EXOC7: variants seen among roughly 807,000 people sequenced by gnomAD.
EXOC7 encodes the protein exocyst complex component Exo70.
In EXOC7, 51 loss-of-function variants were observed where a neutral mutation model predicts 87.6. The observed-to-expected ratio is 0.58, with a 90% CI of 0.46 to 0.73. The LOEUF (loss-of-function observed/expected upper bound fraction) is 0.73. Among genes scored for constraint, EXOC7 ranks in the 30% least tolerant of loss-of-function variants. EXOC7 has a pLI of 0.00. For synonymous variants in EXOC7, 327 were observed against 357.1 expected (o/e 0.92, Z 0.95); for missense variants, 744 against 888.4 (o/e 0.84, Z 2.07).
In EXOC7 at chr17:76,081,749, C is replaced by T; in HGVS notation, c.*1899G>A. The T allele has an allele frequency of 6.2e-7, 1 of 1,614,084 alleles. No individual in the cohort carries two copies. The stretch of plus-strand genomic sequence containing the variant: ...GCCCAGCTCCTCCTCCTGCAACCCA[C>T]TGCTCAGTAAGCCCTGCTCCCTTAC... On this transcript the variant is annotated 3_prime_UTR_variant, in exon 19 of 19. Coordinates refer to ENST00000589210, the MANE Select transcript of EXOC7 (RefSeq NM_001013839.4).
At chr17:76,086,024 G>C (rs1216333256) in intron 13 of EXOC7, 56 bp downstream of exon 13, 52 of 1,595,816 alleles carry the variant, frequency 3.3e-5, no homozygotes, top group Non-Finnish European at 4.2e-5. Flanking sequence ...CAGAAGGAAG[G>C]GAAAGGCAGG....
chr17:76,088,791 C>G lies in EXOC7; in HGVS notation c.1180G>C (p.Glu394Gln), dbSNP rs1403649752. Residue 394 changes from glutamate to glutamine, a missense_variant, in exon 9 of 19, where the codon GAG becomes CAG. Coordinates refer to ENST00000589210, the MANE Select transcript of EXOC7 (RefSeq NM_001013839.4). The stretch of plus-strand genomic sequence containing the variant: ...CATACCTGGAGCACCTGGTCAAACT[C>G]AGGCTTGGTCTGCTTGAGGTGTCGC... ...ILRHLKQTKP[E>Q]FDQVLQGTAA... The G allele has an allele frequency of 4.3e-6, 7 of 1,613,842 alleles. No homozygotes were observed. Among genetic ancestry groups the G allele is most frequent in the East Asian group, 2.2e-5 (1 of 44,876 alleles).
chr17:76,089,004 G>T, intron 8 of EXOC7, 81 bp from the exon 9 acceptor site: 1 of 1,494,428 alleles, frequency 6.7e-7, no homozygotes, highest in Non-Finnish European at 9.2e-7. Context: ...CTTGCAGTAT[G>T]TAGGGGGGCC....
intron 11 of EXOC7, 67 bp from the exon 12 acceptor site, chr17:76,087,787 C>G: frequency 6.6e-7 from 1 of 1,506,426 alleles, no homozygotes; most frequent in Non-Finnish European, 9.0e-7. Flanking sequence ...CCACAGCGAC[C>G]CCTCTGAGTG....
In EXOC7 at chr17:76,081,885, AC is replaced by A. The variant is rs773210527; in HGVS notation, c.*1762del. The A allele has an allele frequency of 5.0e-6, 8 of 1,608,778 alleles. No homozygotes were observed. On this transcript the variant is annotated 3_prime_UTR_variant, in exon 19 of 19. Transcript: ENST00000589210. The stretch of plus-strand genomic sequence containing the variant: ...CCCTGTGCCCTGCCTCCCCCAGTTT[AC>A]TACTTCACCATCCTGCTGCTGCTGC...
In EXOC7 at chr17:76,103,727, C is replaced by G. The variant is rs781752959; in HGVS notation, c.-35G>C. On this transcript the variant is annotated 5_prime_UTR_variant, in exon 1 of 19. Transcript: ENST00000589210. ...CCCCGCGGCTCCCACTCCCCAGTATCTTTCCTCCGCGGGCCCACCGGGCCC... is the reference window on the plus strand; with the variant it reads ...CCCCGCGGCTCCCACTCCCCAGTATGTTTCCTCCGCGGGCCCACCGGGCCC... The G allele has an allele frequency of 1.9e-6, 3 of 1,575,106 alleles. No individual in the cohort carries two copies. The highest frequency in any genetic ancestry group is 2.6e-6 in the Non-Finnish European group (3 of 1,161,400).
chr17:76,086,232 G>T (rs1165010197), intron 12 of EXOC7, 87 bp from the exon 13 acceptor site: 3 of 1,276,724 alleles, frequency 2.3e-6, no homozygotes, highest in African/African-American at 1.5e-5. Flanking sequence ...AGTCTGAGGG[G>T]ACACTGAGAC....
Position 76,081,631 on chromosome 17 carries a change from G to GA in EXOC7, c.*2016_*2017insT. 6.2e-7 allele frequency: 1 copy of GA among 1,614,126 alleles called. No individual in the cohort carries two copies. The highest frequency in any genetic ancestry group is 1.3e-5 in the African/African-American group (1 of 75,072). ...TGCTGTTGGCTGACGTGTGCGGGGG[G>GA]TTGCTGCCCCTCCGGGCCATTGAGC... On this transcript the variant is annotated 3_prime_UTR_variant, in exon 19 of 19. Transcript: ENST00000589210.
At chr17:76,102,407 TACACACACAGACACACACACACAC>T (rs1403872551) in intron 2 of EXOC7, among the ~76,000 whole-genome samples, 1 of 122,362 alleles carries the variant, frequency 8.2e-6, no homozygotes, top group Non-Finnish European at 1.6e-5. Flanking sequence ...AGACCCTGTC[TACACACACAGACACACACACACAC>T]ACACACACAC....
Position 76,081,216 on chromosome 17 carries a change from C to CTGGGA in EXOC7, c.*2431_*2432insTCCCA. 1 of 1,600,864 alleles carries CTGGGA rather than the reference C, an allele frequency of 6.2e-7. No homozygotes were observed. Among genetic ancestry groups the CTGGGA allele is most frequent in the South Asian group, 1.1e-5 (1 of 88,904 alleles). Reference sequence around the variant, plus strand: ...TCACCCCTGGGCTCCAGTCTGCTACCCCCAGACTTGGCAGCTGGGATCTCT... The same window carrying CTGGGA: ...TCACCCCTGGGCTCCAGTCTGCTACCTGGGACCCAGACTTGGCAGCTGGGATCTCT... On this transcript the variant is annotated 3_prime_UTR_variant, in exon 19 of 19. Coordinates refer to ENST00000589210, the MANE Select transcript of EXOC7 (RefSeq NM_001013839.4).
rs372862629 is a variant in EXOC7 at position 76,089,189 on chromosome 17, C to T, written c.1033G>A (p.Asp345Asn). The T allele has an allele frequency of 3.5e-5, 56 of 1,613,440 alleles. No individual in the cohort carries two copies. The highest frequency in any genetic ancestry group is 3.9e-5 in the Non-Finnish European group (46 of 1,179,994). The change falls in exon 8 of 19, where the codon GAC becomes AAC. Residue 345 changes from aspartate to asparagine, a missense_variant. Transcript: ENST00000589210. ...IPEHHQKKTFDSLIQDALDGL... is the reference protein window; with the variant it reads ...IPEHHQKKTFNSLIQDALDGL... ...CGGGGCGGGACCTGTATCAGGGAGT[C>T]GAAGGTCTTCTTCTGGTGGTGCTCG...
At chr17:76,095,271 C>CT (rs560955720) in intron 5 of EXOC7, among the ~76,000 whole-genome samples, 2,706 of 139,092 alleles carry the variant, frequency 0.019, 37 homozygotes, top group Middle Eastern at 0.055. Flanking sequence ...TAGTTGTAAG[C>CT]TTTTTTTTTT....
chr17:76,090,431 C>T (rs761736916), intron 7 of EXOC7: 57 of 1,551,502 alleles, frequency 3.7e-5, no homozygotes, highest in Non-Finnish European at 4.4e-5. Flanking sequence ...ACACAAGCAG[C>T]GTTTATCCAG....
intron 11 of EXOC7, 33 bp from the exon 12 acceptor site, chr17:76,087,753 G>C: frequency 6.5e-7 from 1 of 1,549,236 alleles, no homozygotes; most frequent in Middle Eastern, 1.7e-4. Flanking sequence ...AGAAGGGCAA[G>C]TGGCAGGCCC....
rs1217508425 is a variant in EXOC7, at chr17:76,086,915, C to CACAGAGGGGACAGAGGGAGAG, written c.1429+718_1429+738dup. On this transcript the variant is annotated intron_variant, in intron 12 of 18. Transcript: ENST00000589210. ...GAACTACGGAGTGAAAGGCAGTGCA[C>CACAGAGGGGACAGAGGGAGAG]ACAGAGGGGACAGAGGGAGAGACAA... 13 of 1,549,452 alleles carry CACAGAGGGGACAGAGGGAGAG rather than the reference C, an allele frequency of 8.4e-6. No homozygotes were observed. The African/African-American group carries it at 1.4e-4, about 16-fold the overall frequency.
intron 2 of EXOC7, among the ~76,000 whole-genome samples, chr17:76,102,349 A>T (rs2144714088): frequency 6.6e-6 from 1 of 151,876 alleles, no homozygotes; most frequent in Admixed American, 6.6e-5. Flanking sequence ...CTGAGGCGGG[A>T]GGTTAGCTTG....
At chr17:76,094,890 C>T (rs192260346) in intron 5 of EXOC7, among the ~76,000 whole-genome samples, 5 of 151,844 alleles carry the variant, frequency 3.3e-5, no homozygotes, top group Non-Finnish European at 4.4e-5. Context: ...GGATTACAGG[C>T]GTGAGTCACC....
rs1421766905 is a variant in EXOC7 at position 76,085,342 on chromosome 17, C to T, written c.1684G>A (p.Glu562Lys). ...CGCTGGTAGGTCTGGATCTGCTGCTCAATGTGCTCCCGGTAGGAGCGCTCA... is the reference window on the plus strand; with the variant it reads ...CGCTGGTAGGTCTGGATCTGCTGCTTAATGTGCTCCCGGTAGGAGCGCTCA... ...TAERSYREHI[E>K]QQIQTYQRSW... The change falls in exon 15 of 19, where the codon GAG becomes AAG. Residue 562 changes from glutamate to lysine, a missense_variant. Transcript: ENST00000589210. 3 of 1,607,744 alleles carry T rather than the reference C, an allele frequency of 1.9e-6. No individual in the cohort carries two copies. Among genetic ancestry groups the T allele is most frequent in the South Asian group, 1.1e-5 (1 of 89,848 alleles).
In EXOC7 at chr17:76,082,742, AC is replaced by A. The variant is rs1452402422; in HGVS notation, c.*905del. ...CATGACAGGGCCTCTGGATTAAGCCACCCTGAGCTCTCCCTCCGCTAGCACA... is the reference window on the plus strand; with the variant it reads ...CATGACAGGGCCTCTGGATTAAGCCACCTGAGCTCTCCCTCCGCTAGCACA... On this transcript the variant is annotated 3_prime_UTR_variant, in exon 19 of 19. Coordinates refer to ENST00000589210, the MANE Select transcript of EXOC7 (RefSeq NM_001013839.4). The A allele has an allele frequency of 1.5e-6, 2 of 1,307,556 alleles. No homozygotes were observed. Among genetic ancestry groups the A allele is most frequent in the African/African-American group, 3.0e-5 (2 of 67,352 alleles). The allele number at this position is 1,307,556 out of a possible 1,614,324, so 81.0% of individuals were successfully genotyped here. A position where few individuals can be genotyped will look rare whatever the true frequency, so the allele number is the denominator to read the frequency against.
Sources: allele counts gnomAD v4.1 joint callset (sites outside exome capture counted in the v4.1 genomes callset), GRCh38; gene constraint gnomAD v4.1.1; transcripts MANE v1.5; gene names NCBI Gene and HGNC (gene_info 2026-07-23, HGNC 2026-07-21).